AKAP13: variants seen among roughly 807,000 people sequenced by gnomAD.
AKAP13 encodes A-kinase anchoring protein 13.
Under a neutral mutation model 264.5 loss-of-function variants are expected in AKAP13, and 80 were observed. The observed-to-expected ratio is 0.30, with a 90% CI of 0.25 to 0.36. AKAP13 has a LOEUF of 0.36. Among genes scored for constraint, AKAP13 ranks in the 10% least tolerant of loss-of-function variants. AKAP13 has a pLI of 1.00. For synonymous variants in AKAP13, 1,380 were observed against 1,250.2 expected (o/e 1.10, Z -2.19); for missense variants, 3,712 against 3,435.2 (o/e 1.08, Z -2.01).
At position 85,580,186 on chromosome 15, in the gene AKAP13, C is replaced by T; in HGVS notation, c.2118C>T (p.Ala706=). Residue 706 remains alanine (A), a synonymous_variant, in exon 7 of 37, where the codon GCC becomes GCT. Transcript: ENST00000394518. ...RQPSSQDPPD[A]SHCEDPQAHT... is the part of the protein sequence containing the mutation. Reference sequence around the variant, plus strand: ...CCAGCTCACAAGATCCACCCGATGCCTCCCACTGTGAAGACCCACAGGCTC... The same window carrying T: ...CCAGCTCACAAGATCCACCCGATGCTTCCCACTGTGAAGACCCACAGGCTC... The T allele has an allele frequency of 5.6e-6, 9 of 1,614,242 alleles. No individual in the cohort carries two copies. The highest frequency in any genetic ancestry group is 6.8e-6 in the Non-Finnish European group (8 of 1,180,040).
intron 8 of AKAP13, among the ~76,000 whole-genome samples, chr15:85,617,145 A>G (rs2080971415): frequency 6.6e-6 from 1 of 152,196 alleles, no homozygotes; most frequent in Non-Finnish European, 1.5e-5. Flanking sequence ...GCTTGCCTCC[A>G]CTAGAAGTCA....
In AKAP13 at chr15:85,743,875, TGA is replaced by T. The variant is rs35016906; in HGVS notation, c.8392+56_8392+57del. The T allele has an allele frequency of 6.9e-3, 10,679 of 1,544,622 alleles. 52 individuals carry two copies. Among genetic ancestry groups the T allele is most frequent in the African/African-American group, 0.013 (962 of 72,476 alleles). ...CTGTGGCCATAGTGTCTGTGCATTC[TGA>T]GAGAGGGTAGATTTTAGTGGCATGG... On this transcript the variant is annotated intron_variant, in intron 36 of 36. Coordinates refer to ENST00000394518, the MANE Select transcript of AKAP13 (RefSeq NM_007200.5).
chr15:85,615,702 A>G (rs2151405513), intron 8 of AKAP13, among the ~76,000 whole-genome samples: 1 of 152,332 alleles, frequency 6.6e-6, no homozygotes, highest in East Asian at 1.9e-4. Flanking sequence ...AAGTGTCATT[A>G]TGCAGGAATA....
intron 8 of AKAP13, among the ~76,000 whole-genome samples, chr15:85,591,775 C>G (rs1368307210): frequency 2.6e-5 from 4 of 152,166 alleles, no homozygotes; most frequent in Non-Finnish European, 5.9e-5. Context: ...CCTTCTCTCC[C>G]TGGGGCATCT....
rs144010880 is a variant in AKAP13, at chr15:85,543,782, G to A, written c.489G>A (p.Pro163=). 3.4e-5 allele frequency: 54 copies of A among 1,603,234 alleles called. No homozygotes were observed. Among genetic ancestry groups the A allele is most frequent in the South Asian group, 6.7e-5 (6 of 89,792 alleles). Residue 163 remains proline (P), a synonymous_variant, in exon 5 of 37, where the codon CCG becomes CCA. Transcript: ENST00000394518. The part of the protein sequence containing the change: ...GTDQSLHDAG[P]RETLMHFAVR... ...CTCCCCCATTTACAGATGCTGGCCC[G>A]CGAGAGACATTGATGCATTTTGCTG...
At chr15:85,532,752 T>C (rs1034580807) in intron 3 of AKAP13, among the ~76,000 whole-genome samples, 2 of 152,236 alleles carry the variant, frequency 1.3e-5, no homozygotes, top group African/African-American at 4.8e-5. Context: ...ACACGTGGTG[T>C]TAAATCTTGC....
intron 1 of AKAP13, among the ~76,000 whole-genome samples, chr15:85,437,387 A>C (rs1181455899): frequency 5.3e-5 from 8 of 152,248 alleles, no homozygotes; most frequent in Admixed American, 2.0e-4. Flanking sequence ...ATTCTACCAG[A>C]GACACAAGGA....
intron 5 of AKAP13, among the ~76,000 whole-genome samples, chr15:85,571,790 G>T: frequency 6.6e-6 from 1 of 152,218 alleles, no homozygotes; most frequent in Non-Finnish European, 1.5e-5. Context: ...GACTTACCCA[G>T]ACCTGTAGGC....
intron 8 of AKAP13, among the ~76,000 whole-genome samples, chr15:85,596,945 T>C (rs1567146867): frequency 6.6e-6 from 1 of 152,098 alleles, no homozygotes; most frequent in African/African-American, 2.4e-5. Flanking sequence ...AAAAACATGG[T>C]GGAGAGGCTA....
intron 1 of AKAP13, among the ~76,000 whole-genome samples, chr15:85,481,575 G>A (rs1398143350): frequency 1.3e-5 from 2 of 152,126 alleles, no homozygotes; most frequent in Non-Finnish European, 2.9e-5. Flanking sequence ...TGGAAAATGT[G>A]GGAAGAATAC....
chr15:85,545,036 G>C (rs1183733268), intron 5 of AKAP13, among the ~76,000 whole-genome samples: 1 of 152,130 alleles, frequency 6.6e-6, no homozygotes, highest in East Asian at 1.9e-4. Flanking sequence ...TCCCCATCAC[G>C]CTAGACAGAC....
At chr15:85,432,821 T>A (rs140967626) in intron 1 of AKAP13, among the ~76,000 whole-genome samples, 1 of 152,158 alleles carries the variant, frequency 6.6e-6, no homozygotes, top group Non-Finnish European at 1.5e-5. Context: ...AACTACTTTG[T>A]TTACTTTGGT....
In AKAP13 at chr15:85,399,525, A is replaced by T. The variant is rs201278806; in HGVS notation, c.-12+18727A>T. Among the ~76,000 whole-genome samples, 82 of 102,180 alleles carry T rather than the reference A, an allele frequency of 8.0e-4. 3 individuals carry two copies. Among genetic ancestry groups the T allele is most frequent in the South Asian group, 1.9e-3 (7 of 3,670 alleles). The allele number at this position is 102,180 out of a possible 152,430, so 67.0% of individuals were successfully genotyped here. A position where few individuals can be genotyped will look rare whatever the true frequency, so the allele number is the denominator to read the frequency against. ...CTCAAAAAAAAAAAAAAAAAAAATA[A>T]AAAAATAAAAAAATAAATAAATAAA... On this transcript the variant is annotated intron_variant, in intron 1 of 36. Coordinates refer to ENST00000394518, the MANE Select transcript of AKAP13 (RefSeq NM_007200.5).
At chr15:85,467,669 T>C (rs561310162) in intron 1 of AKAP13, among the ~76,000 whole-genome samples, 1 of 152,338 alleles carries the variant, frequency 6.6e-6, no homozygotes, top group African/African-American at 2.4e-5. Context: ...CATATCTACT[T>C]TGAAGGAAAA....
intron 2 of AKAP13, among the ~76,000 whole-genome samples, chr15:85,490,109 A>G (rs1185001894): frequency 6.6e-6 from 1 of 152,246 alleles, no homozygotes; most frequent in East Asian, 1.9e-4. Context: ...TGGTAGTGCT[A>G]AAAACTCTGA....
Position 85,735,097 on chromosome 15 carries a change from G to C in AKAP13, c.7388G>C (p.Arg2463Pro). The C allele has an allele frequency of 6.2e-7, 1 of 1,614,142 alleles. No individual in the cohort carries two copies. The highest frequency in any genetic ancestry group is 1.1e-5 in the South Asian group (1 of 91,086). ...GTGGTCGGTCCCGTTTCCCTGCCCC[G>C]GAGAGCAGAGACCTTTGGAGGATTT... ...QDVVGPVSLP[R>P]RAETFGGFDS... Residue 2463 changes from arginine (R) to proline (P), a missense_variant, in exon 31 of 37, where the codon CGG (arginine) becomes CCG (proline). Physicochemically the swap from Arg to Pro is moderately radical, Grantham distance 103. Transcript: ENST00000394518.
chr15:85,668,279 AC>A (rs2083717514), intron 13 of AKAP13, among the ~76,000 whole-genome samples: 1 of 152,200 alleles, frequency 6.6e-6, no homozygotes, highest in South Asian at 2.1e-4. Context: ...CGGATTTTTC[AC>A]TGCTTCCCTT....
intron 2 of AKAP13, among the ~76,000 whole-genome samples, chr15:85,503,170 C>T (rs2076082687): frequency 6.6e-6 from 1 of 152,158 alleles, no homozygotes; most frequent in Admixed American, 6.6e-5. Flanking sequence ...TTAAGACACT[C>T]CTGGCACATA....
At chr15:85,481,396 A>G (rs913186544) in intron 1 of AKAP13, among the ~76,000 whole-genome samples, 6 of 152,190 alleles carry the variant, frequency 3.9e-5, no homozygotes, top group African/African-American at 1.4e-4. Flanking sequence ...CTAATCAACA[A>G]CACCAGAAGA....
Sources: gnomAD v4.1 joint callset for allele counts (sites outside exome capture counted in the v4.1 genomes callset) on GRCh38, gnomAD v4.1.1 for gene constraint, MANE v1.5 for transcripts, NCBI Gene and HGNC (gene_info 2026-07-23, HGNC 2026-07-21) for gene names.